GRM3: variants seen among roughly 807,000 people sequenced by gnomAD.
GRM3 encodes the protein glutamate metabotropic receptor 3.
In GRM3, 26 loss-of-function variants were observed where a neutral mutation model predicts 70.5. The ratio of observed to expected loss-of-function variants is 0.37; its 90% CI spans 0.27 to 0.51. The LOEUF is 0.51. GRM3 is among the 20% of genes least tolerant of loss of function. The pLI, the probability that GRM3 is intolerant of heterozygous loss-of-function variation, is 0.93. For synonymous variants in GRM3, 443 were observed against 434.9 expected (o/e 1.02, Z -0.23); for missense variants, 859 against 1,123.8 (o/e 0.76, Z 3.37).
At chr7:86,810,854 CT>C (rs1256029955) in intron 3 of GRM3, among the ~76,000 whole-genome samples, 1 of 151,954 alleles carries the variant, frequency 6.6e-6, no homozygotes, top group Non-Finnish European at 1.5e-5. Flanking sequence ...ATAGACATAT[CT>C]ACATACACAC....
chr7:86,811,749 A>G (rs1390872506), intron 3 of GRM3, among the ~76,000 whole-genome samples: 1 of 151,784 alleles, frequency 6.6e-6, no homozygotes, highest in Non-Finnish European at 1.5e-5. Flanking sequence ...AAGAATTAAA[A>G]TATTTAAATC....
chr7:86,808,285 C>CT, intron 3 of GRM3, among the ~76,000 whole-genome samples: 1 of 152,120 alleles, frequency 6.6e-6, no homozygotes, highest in East Asian at 1.9e-4. Flanking sequence ...AGGATTCCCT[C>CT]TTTTTCTATT....
At chr7:86,664,047 C>T (rs181412725) in intron 1 of GRM3, among the ~76,000 whole-genome samples, 1 of 152,060 alleles carries the variant, frequency 6.6e-6, no homozygotes, top group African/African-American at 2.4e-5. Flanking sequence ...ACCTTGAGAA[C>T]AGAGAGCAGC....
At chr7:86,699,351 G>T (rs1794899151) in intron 1 of GRM3, among the ~76,000 whole-genome samples, 1 of 152,004 alleles carries the variant, frequency 6.6e-6, no homozygotes, top group Non-Finnish European at 1.5e-5. Flanking sequence ...TGCAGAATCT[G>T]GATGGTTCCT....
intron 5 of GRM3, among the ~76,000 whole-genome samples, chr7:86,853,943 C>T (rs1009880704): frequency 5.3e-5 from 8 of 152,064 alleles, no homozygotes; most frequent in South Asian, 2.1e-4. Context: ...GGCAGGAAGC[C>T]TGTCCATGTT....
At chr7:86,797,630 T>C (rs759872400) in intron 3 of GRM3, among the ~76,000 whole-genome samples, 19 of 152,074 alleles carry the variant, frequency 1.2e-4, no homozygotes, top group Non-Finnish European at 2.4e-4. Flanking sequence ...AGCCTGACAA[T>C]GCAATAAAAA....
At chr7:86,738,320 G>C (rs1389907528) in intron 1 of GRM3, among the ~76,000 whole-genome samples, 1 of 152,126 alleles carries the variant, frequency 6.6e-6, no homozygotes, top group East Asian at 1.9e-4. Flanking sequence ...GGATGCTTTT[G>C]AACAAAGTCA....
chr7:86,856,800 C>CTCT (rs1798858421), intron 5 of GRM3, among the ~76,000 whole-genome samples: 1 of 152,006 alleles, frequency 6.6e-6, no homozygotes, highest in South Asian at 2.1e-4. Flanking sequence ...TTTTTCCATC[C>CTCT]CTTAAATCAT....
At chr7:86,798,892 C>A (rs7804907) in intron 3 of GRM3, among the ~76,000 whole-genome samples, 2 of 151,912 alleles carry the variant, frequency 1.3e-5, no homozygotes, top group Non-Finnish European at 2.9e-5. Context: ...CCTGACACCA[C>A]GTTTATGTGA....
intron 1 of GRM3, among the ~76,000 whole-genome samples, chr7:86,746,359 A>T (rs1282397014): frequency 5.7e-5 from 8 of 139,786 alleles, no homozygotes; most frequent in Admixed American, 1.4e-4. Context: ...ATATATATAT[A>T]TATATATATA....
intron 3 of GRM3, chr7:86,832,970 T>C (rs1314119331): frequency 1.0e-6 from 1 of 975,854 alleles, no homozygotes; most frequent in Non-Finnish European, 1.2e-6. Flanking sequence ...TTGTAAGTCT[T>C]TTATAAAAAA....
chr7:86,847,567 G>A (rs1436274282), intron 4 of GRM3, among the ~76,000 whole-genome samples: 1 of 152,156 alleles, frequency 6.6e-6, no homozygotes, highest in African/African-American at 2.4e-5. Context: ...CAGTGGGATG[G>A]TGAAGAAAGA....
At chr7:86,837,439 G>A (rs1798479862) in intron 3 of GRM3, among the ~76,000 whole-genome samples, 1 of 152,206 alleles carries the variant, frequency 6.6e-6, no homozygotes, top group Admixed American at 6.5e-5. Context: ...TACTCACAGG[G>A]TCAGACACTG....
At chr7:86,667,729 C>A (rs1414436482) in intron 1 of GRM3, among the ~76,000 whole-genome samples, 1 of 152,048 alleles carries the variant, frequency 6.6e-6, no homozygotes, top group African/African-American at 2.4e-5. Context: ...CCAGGCCCAC[C>A]CTCCAGGAAA....
intron 2 of GRM3, among the ~76,000 whole-genome samples, chr7:86,769,100 A>G (rs1367099958): frequency 2.0e-5 from 3 of 152,032 alleles, no homozygotes; most frequent in East Asian, 1.9e-4. Flanking sequence ...TGGAGAGAAG[A>G]TTTCTCTGGG....
chr7:86,647,138 G>A lies in GRM3; in HGVS notation c.-141+2266G>A, dbSNP rs536672605. ...TTCACTTCTCTATGACAGGTGATTAGCTGGAATCACACAATTGAAGATGTT... is the reference window on the plus strand; with the variant it reads ...TTCACTTCTCTATGACAGGTGATTAACTGGAATCACACAATTGAAGATGTT... On this transcript the variant is annotated intron_variant, in intron 1 of 5. Coordinates refer to ENST00000361669, the MANE Select transcript of GRM3 (RefSeq NM_000840.3). 3.9e-5 allele frequency among the ~76,000 whole-genome samples: 6 copies of A among 152,300 alleles called. No individual in the cohort carries two copies. In the South Asian group the frequency reaches 1.2e-3, roughly 32 times the overall value.
chr7:86,765,192 C>T lies in GRM3; in HGVS notation c.47C>T (p.Ser16Leu), dbSNP rs767137960. 1 of 1,600,466 alleles carries T rather than the reference C, an allele frequency of 6.2e-7. No individual in the cohort carries two copies. The highest frequency in any genetic ancestry group is 8.5e-7 in the Non-Finnish European group (1 of 1,175,630). Residue 16 changes from serine to leucine, a missense_variant, in exon 2 of 6, where the codon TCA becomes TTA. Ser to Leu is a moderately radical substitution (Grantham distance 145, BLOSUM62 -2). Transcript: ENST00000361669. ...RLQVLTLALF[S>L]KGFLLSLGDH... ...CAAGTTCTTACCTTAGCTTTGTTTT[C>T]AAAGGGATTTTTACTCTCTTTAGGG...
intron 1 of GRM3, among the ~76,000 whole-genome samples, chr7:86,697,574 G>C (rs1794848293): frequency 1.3e-5 from 2 of 151,978 alleles, no homozygotes. Flanking sequence ...TTTCCTAAAA[G>C]TGTAAGTTTA....
chr7:86,754,053 T>G (rs1387742823), intron 1 of GRM3, among the ~76,000 whole-genome samples: 5 of 152,162 alleles, frequency 3.3e-5, no homozygotes, highest in Non-Finnish European at 7.3e-5. Flanking sequence ...TAAGGTCACT[T>G]AAATGATAGG....
Sources: gnomAD v4.1 joint callset for allele counts (sites outside exome capture counted in the v4.1 genomes callset) on GRCh38, gnomAD v4.1.1 for gene constraint, MANE v1.5 for transcripts, NCBI Gene and HGNC (gene_info 2026-07-23, HGNC 2026-07-21) for gene names.